KIAA1328: variants seen among roughly 807,000 people sequenced by gnomAD.
KIAA1328 encodes KIAA1328, also known as protein hinderin.
In KIAA1328, 52 loss-of-function variants were observed where a neutral mutation model predicts 68.1. The ratio of observed to expected loss-of-function variants is 0.76; its 90% CI spans 0.61 to 0.96. The LOEUF (loss-of-function observed/expected upper bound fraction) is 0.96, where lower values mean the gene tolerates loss of function less well. Ranked by LOEUF, KIAA1328 falls within the 40% of genes least tolerant of loss-of-function variation. The pLI is 0.00. For missense variants in KIAA1328, 641 were observed against 677.6 expected, an observed-to-expected ratio of 0.95 and a Z score of 0.60; for synonymous variants, 232 against 239.4, an observed-to-expected ratio of 0.97 and a Z score of 0.28.
In KIAA1328 at chr18:37,160,340, A is replaced by C. The variant is rs1396303823; in HGVS notation, c.1373A>C (p.Gln458Pro). 1 of 1,613,512 alleles carries C rather than the reference A, an allele frequency of 6.2e-7. No homozygotes were observed. Among genetic ancestry groups the C allele is most frequent in the East Asian group, 2.2e-5 (1 of 44,878 alleles). ...CATTCGCATATGAAAGATGATGCCC[A>C]GTGGTCATGTCAAAAGAAAGATACA... ...GFHSHMKDDA[Q>P]WSCQKKDTCR... Residue 458 changes from glutamine (Q) to proline (P), a missense_variant, in exon 8 of 10, where the codon CAG becomes CCG. Gln to Pro is a moderately conservative substitution (Grantham distance 76). Coordinates refer to ENST00000280020, the MANE Select transcript of KIAA1328 (RefSeq NM_020776.3).
At chr18:37,096,225 C>T (rs963698343) in intron 7 of KIAA1328, among the ~76,000 whole-genome samples, 9 of 152,178 alleles carry the variant, frequency 5.9e-5, no homozygotes, top group Non-Finnish European at 1.2e-4. Flanking sequence ...TATCCCTCCC[C>T]GCTCCGCCCA....
intron 7 of KIAA1328, among the ~76,000 whole-genome samples, chr18:37,106,626 C>A (rs2057784029): frequency 1.3e-5 from 2 of 151,982 alleles, no homozygotes; most frequent in African/African-American, 4.8e-5. Context: ...ACCATGTTGG[C>A]CAGGCTGGTC....
chr18:37,153,649 T>TC (rs1162808483), intron 7 of KIAA1328, among the ~76,000 whole-genome samples: 5 of 145,988 alleles, frequency 3.4e-5, no homozygotes, highest in African/African-American at 7.7e-5. Context: ...TTTTTTTTTT[T>TC]CCCAATACAA....
chr18:36,935,787 G>A (rs1375994294), intron 5 of KIAA1328, among the ~76,000 whole-genome samples: 1 of 152,052 alleles, frequency 6.6e-6, no homozygotes, highest in Non-Finnish European at 1.5e-5. Context: ...AGGAGTTTGG[G>A]AGAGGTAACT....
chr18:37,111,634 C>T (rs1019336114), intron 7 of KIAA1328, among the ~76,000 whole-genome samples: 1 of 152,196 alleles, frequency 6.6e-6, no homozygotes, highest in African/African-American at 2.4e-5. Flanking sequence ...GTGATTTCTG[C>T]ATTTCCAACT....
intron 5 of KIAA1328, among the ~76,000 whole-genome samples, chr18:36,899,147 C>G (rs2048954754): frequency 6.6e-6 from 1 of 151,716 alleles, no homozygotes; most frequent in Non-Finnish European, 1.5e-5. Flanking sequence ...CTTTTATATC[C>G]CATTGAATAA....
rs1022825062 is a variant in KIAA1328, at chr18:37,092,429, C to T, written c.1232+24884C>T. Among the ~76,000 whole-genome samples the T allele has an allele frequency of 2.6e-5, 4 of 152,066 alleles. No homozygotes were observed. The South Asian group carries it at 8.3e-4, about 32-fold the overall frequency. The stretch of plus-strand genomic sequence containing the variant: ...CATGTACCACTGTGAGTCCTGCAGT[C>T]TTATTCTGCTTGCAGCTGATGGCAC... On this transcript the variant is annotated intron_variant, in intron 7 of 9. Coordinates refer to ENST00000280020, the MANE Select transcript of KIAA1328 (RefSeq NM_020776.3).
intron 7 of KIAA1328, among the ~76,000 whole-genome samples, chr18:37,112,456 G>C (rs1032050955): frequency 2.0e-5 from 3 of 152,128 alleles, no homozygotes; most frequent in African/African-American, 7.2e-5. Flanking sequence ...TGTGGCTGAG[G>C]GTTCTGACTG....
At chr18:36,988,432 C>T (rs2053034024) in intron 6 of KIAA1328, among the ~76,000 whole-genome samples, 1 of 152,178 alleles carries the variant, frequency 6.6e-6, no homozygotes, top group Non-Finnish European at 1.5e-5. Flanking sequence ...TAAACAGACA[C>T]CTGTCATCGT....
chr18:37,088,644 G>C (rs2057176662), intron 7 of KIAA1328, among the ~76,000 whole-genome samples: 1 of 151,622 alleles, frequency 6.6e-6, no homozygotes, highest in Admixed American at 6.6e-5. Flanking sequence ...GCTTATGGTA[G>C]AAAGAAATAT....
intron 7 of KIAA1328, among the ~76,000 whole-genome samples, chr18:37,141,827 C>G (rs1228201448): frequency 1.3e-5 from 2 of 152,232 alleles, no homozygotes; most frequent in Admixed American, 1.3e-4. Context: ...TGCAGTTCTC[C>G]TGATGATGTT....
At chr18:36,929,175 A>AATCT (rs1455778516) in intron 5 of KIAA1328, among the ~76,000 whole-genome samples, 2 of 152,114 alleles carry the variant, frequency 1.3e-5, no homozygotes, top group East Asian at 3.9e-4. Context: ...GTCATGTCTT[A>AATCT]ATCTACTTTT....
chr18:37,199,300 T>A (rs2060063170), intron 9 of KIAA1328, among the ~76,000 whole-genome samples: 1 of 152,154 alleles, frequency 6.6e-6, no homozygotes, highest in Non-Finnish European at 1.5e-5. Context: ...CCTCTATGTG[T>A]CCATGTGTTA....
chr18:37,127,167 G>T (rs182630642), intron 7 of KIAA1328, among the ~76,000 whole-genome samples: 177 of 152,180 alleles, frequency 1.2e-3, no homozygotes, highest in Non-Finnish European at 2.0e-3. Context: ...AAATTCTAAG[G>T]AATCTGCAAA....
At chr18:37,063,036 CTT>C (rs570431713) in intron 6 of KIAA1328, among the ~76,000 whole-genome samples, 202 of 141,240 alleles carry the variant, frequency 1.4e-3, no homozygotes, top group African/African-American at 3.5e-3. Context: ...GGCTGCATTC[CTT>C]TTTTTTTTTT....
At chr18:37,136,140 G>A (rs1599389580) in intron 7 of KIAA1328, among the ~76,000 whole-genome samples, 1 of 152,164 alleles carries the variant, frequency 6.6e-6, no homozygotes, top group Non-Finnish European at 1.5e-5. Context: ...CACTGCTTTT[G>A]AGATAGACAC....
At chr18:36,917,766 CT>C (rs1353878191) in intron 5 of KIAA1328, among the ~76,000 whole-genome samples, 1 of 152,082 alleles carries the variant, frequency 6.6e-6, no homozygotes, top group Non-Finnish European at 1.5e-5. Context: ...CATTGTCATC[CT>C]TAACTCTGTT....
In KIAA1328 at chr18:37,067,182, T is replaced by A; in HGVS notation, c.869T>A (p.Leu290Ter). 1 of 1,613,962 alleles carries A rather than the reference T, an allele frequency of 6.2e-7. No individual in the cohort carries two copies. The highest frequency in any genetic ancestry group is 8.5e-7 in the Non-Finnish European group (1 of 1,179,864). ...VPTEKMPQEE[L>*]HMKECPHLKP... is the part of the protein sequence containing the mutation. ...ACAGAGAAAATGCCACAAGAAGAAT[T>A]GCACATGAAGGAATGTCCACATCTT... is the stretch of plus-strand genomic sequence containing the variant. Residue 290 changes from leucine (L) to a stop codon, truncating the protein, a stop_gained, in exon 7 of 10, where the codon TTG becomes TAG. Coordinates refer to ENST00000280020, the MANE Select transcript of KIAA1328 (RefSeq NM_020776.3). LOFTEE classifies it high-confidence loss of function.
intron 7 of KIAA1328, among the ~76,000 whole-genome samples, chr18:37,156,426 C>CAA (rs769062667): frequency 4.7e-4 from 17 of 36,102 alleles, no homozygotes; most frequent in Middle Eastern, 0.019. Flanking sequence ...AACTCCGCCT[C>CAA]AAAAAAAAAA....
Sources: allele counts gnomAD v4.1 joint callset (sites outside exome capture counted in the v4.1 genomes callset), GRCh38; gene constraint gnomAD v4.1.1; transcripts MANE v1.5; gene names NCBI Gene and HGNC (gene_info 2026-07-23, HGNC 2026-07-21).